CD2AP: variants seen among roughly 807,000 people sequenced by gnomAD.
The protein encoded by CD2AP is CD2 associated protein.
A neutral mutation model predicts 85.1 loss-of-function variants in CD2AP; 46 were observed. The observed-to-expected ratio is 0.54, with a 90% CI of 0.43 to 0.69. The LOEUF (loss-of-function observed/expected upper bound fraction) is 0.69, where lower values mean the gene tolerates loss of function less well. CD2AP is among the 30% of genes least tolerant of loss of function. The pLI, the probability that CD2AP is intolerant of heterozygous loss-of-function variation, is 0.00. For missense variants in CD2AP, 769 were observed against 729.5 expected (o/e 1.05, Z -0.62); for synonymous variants, 255 against 252.9 (o/e 1.01, Z -0.08).
chr6:47,623,435 A>T (rs915705936), intron 17 of CD2AP, among the ~76,000 whole-genome samples: 12 of 152,174 alleles, frequency 7.9e-5, no homozygotes, highest in African/African-American at 2.9e-4. Context: ...TAAAGCCCTA[A>T]ATCTTACCAT....
At chr6:47,541,955 C>A (rs899387197) in intron 3 of CD2AP, among the ~76,000 whole-genome samples, 1 of 152,176 alleles carries the variant, frequency 6.6e-6, no homozygotes, top group Non-Finnish European at 1.5e-5. Flanking sequence ...TGTCCTCTCT[C>A]CTTAGAGTCC....
intron 6 of CD2AP, among the ~76,000 whole-genome samples, chr6:47,576,275 C>T (rs1490765286): frequency 6.6e-6 from 1 of 152,094 alleles, no homozygotes; most frequent in Non-Finnish European, 1.5e-5. Flanking sequence ...AATTAAATCT[C>T]ATTAATATAC....
At chr6:47,554,911 A>T (rs1178615525) in intron 5 of CD2AP, 145 bp downstream of exon 5, 6 of 653,974 alleles carry the variant, frequency 9.2e-6, no homozygotes, top group Middle Eastern at 4.3e-4. Flanking sequence ...GCAAATTATG[A>T]TGGGGACCTA....
At chr6:47,496,744 A>G (rs974977927) in intron 1 of CD2AP, among the ~76,000 whole-genome samples, 3 of 152,090 alleles carry the variant, frequency 2.0e-5, no homozygotes, top group African/African-American at 7.2e-5. Flanking sequence ...GTCTAAATCT[A>G]TCTGTTTTAA....
At chr6:47,577,645 T>G (rs1768349786) in intron 8 of CD2AP, among the ~76,000 whole-genome samples, 1 of 152,224 alleles carries the variant, frequency 6.6e-6, no homozygotes, top group Non-Finnish European at 1.5e-5. Context: ...TACTTGTGTG[T>G]GGGCAGAATC....
chr6:47,570,695 A>C (rs1768125186), intron 5 of CD2AP, among the ~76,000 whole-genome samples: 1 of 152,216 alleles, frequency 6.6e-6, no homozygotes, highest in Non-Finnish European at 1.5e-5. Context: ...AGCACTTCAC[A>C]GGAATAAATT....
intron 13 of CD2AP, among the ~76,000 whole-genome samples, chr6:47,601,821 A>C (rs9357548): frequency 0.34 from 51,398 of 151,734 alleles, 9,464 homozygotes; most frequent in Middle Eastern, 0.52. Flanking sequence ...TTATTAGGCA[A>C]CGTAATAATT....
intron 5 of CD2AP, among the ~76,000 whole-genome samples, chr6:47,559,195 G>A (rs1252421270): frequency 1.3e-5 from 2 of 150,804 alleles, no homozygotes; most frequent in African/African-American, 2.4e-5. Context: ...TTTTATCCAT[G>A]TCTATTTGAT....
At chr6:47,479,542 A>G (rs1189393783) in intron 1 of CD2AP, among the ~76,000 whole-genome samples, 2 of 152,244 alleles carry the variant, frequency 1.3e-5, no homozygotes, top group African/African-American at 4.8e-5. Context: ...AACATTTGCT[A>G]TTTGGAATTT....
At chr6:47,553,868 A>C (rs1329661828) in intron 4 of CD2AP, among the ~76,000 whole-genome samples, 1 of 152,080 alleles carries the variant, frequency 6.6e-6, no homozygotes, top group Non-Finnish European at 1.5e-5. Context: ...TGGGTTTTTA[A>C]AAGTAGGAAA....
At chr6:47,552,979 T>G (rs1044611527) in intron 4 of CD2AP, among the ~76,000 whole-genome samples, 5 of 144,554 alleles carry the variant, frequency 3.5e-5, no homozygotes, top group African/African-American at 1.3e-4. Flanking sequence ...CATTTCCTTT[T>G]GGGGGGGAGC....
chr6:47,505,021 T>C (rs1387635457), intron 2 of CD2AP, among the ~76,000 whole-genome samples: 5 of 83,758 alleles, frequency 6.0e-5, no homozygotes, highest in Non-Finnish European at 1.4e-4. Context: ...CTTTTTTTTT[T>C]TTTTTTTTTT....
chr6:47,530,011 ACT>A (rs1001935416), intron 2 of CD2AP, among the ~76,000 whole-genome samples: 1 of 151,682 alleles, frequency 6.6e-6, no homozygotes, highest in African/African-American at 2.4e-5. Flanking sequence ...CTGTTAAGAC[ACT>A]CTTCCTATTG....
intron 5 of CD2AP, among the ~76,000 whole-genome samples, chr6:47,568,100 G>A (rs1168367046): frequency 1.3e-5 from 2 of 152,102 alleles, no homozygotes; most frequent in Non-Finnish European, 2.9e-5. Context: ...GGGGATGACC[G>A]AAAAAGAGGA....
At chr6:47,622,902 G>A (rs1014185385) in intron 17 of CD2AP, among the ~76,000 whole-genome samples, 1 of 152,166 alleles carries the variant, frequency 6.6e-6, no homozygotes, top group Non-Finnish European at 1.5e-5. Flanking sequence ...GTCACAAATA[G>A]CAGTTTACAA....
intron 2 of CD2AP, among the ~76,000 whole-genome samples, chr6:47,514,616 T>G (rs1025531763): frequency 2.6e-5 from 4 of 152,210 alleles, no homozygotes; most frequent in African/African-American, 9.7e-5. Context: ...AGAAGAATCT[T>G]TCCCACAATT....
chr6:47,612,765 T>A (rs868715107), intron 17 of CD2AP, among the ~76,000 whole-genome samples: 2 of 152,122 alleles, frequency 1.3e-5, no homozygotes, highest in Non-Finnish European at 2.9e-5. Flanking sequence ...AAAGAGAAAC[T>A]GCATGTTCCC....
intron 1 of CD2AP, among the ~76,000 whole-genome samples, chr6:47,501,133 TC>T (rs1765987925): frequency 6.6e-6 from 1 of 152,194 alleles, no homozygotes; most frequent in Non-Finnish European, 1.5e-5. Flanking sequence ...ACGCCTGTGA[TC>T]CTAGCACTTT....
chr6:47,601,042 A>AT (rs1401873953), intron 13 of CD2AP, among the ~76,000 whole-genome samples: 2 of 151,686 alleles, frequency 1.3e-5, no homozygotes, highest in Admixed American at 6.6e-5. Context: ...AAGTAATGGA[A>AT]TTTTTTTTAA....
Sources: allele counts gnomAD v4.1 joint callset (sites outside exome capture counted in the v4.1 genomes callset), GRCh38; gene constraint gnomAD v4.1.1; transcripts MANE v1.5; gene names NCBI Gene and HGNC (gene_info 2026-07-23, HGNC 2026-07-21).